Variants in ST3GAL6 observed in about 807,000 individuals in gnomAD.
The protein encoded by ST3GAL6 is ST3 beta-galactoside alpha-2,3-sialyltransferase 6.
Under a neutral mutation model 40.5 loss-of-function variants are expected in ST3GAL6, and 31 were observed. The ratio of observed to expected loss-of-function variants is 0.77; its 90% confidence interval spans 0.58 to 1.03. The LOEUF (loss-of-function observed/expected upper bound fraction) is 1.03, where lower values mean the gene tolerates loss of function less well. Among genes scored for constraint, ST3GAL6 ranks in the 50% least tolerant of loss-of-function variants. ST3GAL6 has a pLI of 0.00. For missense variants in ST3GAL6, 357 were observed against 393.2 expected, an observed-to-expected ratio of 0.91 and a Z score of 0.78; for synonymous variants, 129 against 136.9, an observed-to-expected ratio of 0.94 and a Z score of 0.40.
chr3:98,779,088 G>A lies in ST3GAL6; in HGVS notation c.335+5105G>A, dbSNP rs553664259. On this transcript the variant is annotated intron_variant, in intron 5 of 9. Coordinates refer to ENST00000483910, the MANE Select transcript of ST3GAL6 (RefSeq NM_001323368.2). ...CCCTGGTTGGGGGATTGAGTTAGTGGCTCAGTGATGTCAAGGCTCCAGGGT... is the reference window on the plus strand; with the variant it reads ...CCCTGGTTGGGGGATTGAGTTAGTGACTCAGTGATGTCAAGGCTCCAGGGT... Among the ~76,000 whole-genome samples, 53 of 152,280 alleles carry A rather than the reference G, an allele frequency of 3.5e-4. No individual in the cohort carries two copies. In the South Asian group the frequency reaches 0.01, roughly 29 times the overall value.
intron 2 of ST3GAL6, among the ~76,000 whole-genome samples, chr3:98,770,128 G>A (rs1216261215): frequency 6.6e-6 from 1 of 152,166 alleles, no homozygotes; most frequent in African/African-American, 2.4e-5. Flanking sequence ...GATTATAGAA[G>A]AAAATTGATT....
intron 8 of ST3GAL6, among the ~76,000 whole-genome samples, chr3:98,789,756 A>G (rs1941043757): frequency 6.6e-6 from 1 of 152,190 alleles, no homozygotes; most frequent in Non-Finnish European, 1.5e-5. Context: ...TTCACTTCCT[A>G]TATTCCTAAG....
upstream of ST3GAL6, among the ~76,000 whole-genome samples, chr3:98,760,253 C>CA (rs1397738622): frequency 6.6e-6 from 1 of 152,220 alleles, no homozygotes; most frequent in Non-Finnish European, 1.5e-5. Flanking sequence ...CAGTGCTTCT[C>CA]AAACACACAG....
intron 5 of ST3GAL6, chr3:98,782,284 A>G (rs3772101): frequency 0.42 from 294,183 of 703,096 alleles, 63,427 homozygotes; most frequent in Non-Finnish European, 0.45. Context: ...CTGTTTTCCC[A>G]GTCACTTTCA....
At chr3:98,785,140 A>T (rs1940574744) in intron 6 of ST3GAL6, 100 bp downstream of exon 6, 2 of 822,594 alleles carry the variant, frequency 2.4e-6, no homozygotes, top group Non-Finnish European at 3.8e-6. Context: ...AGATGTTTCC[A>T]TTTGGTTTTT....
chr3:98,760,214 C>T (rs2107388393), upstream of ST3GAL6, among the ~76,000 whole-genome samples: 1 of 152,288 alleles, frequency 6.6e-6, no homozygotes, highest in East Asian at 1.9e-4. Context: ...CGGCTGGATA[C>T]AATTCCTTTT....
At chr3:98,784,845 A>C (rs1940533731) in intron 5 of ST3GAL6, 100 bp from the exon 6 acceptor site, 3 of 877,346 alleles carry the variant, frequency 3.4e-6, no homozygotes, top group Admixed American at 2.3e-5. Flanking sequence ...CTTGCGCAAC[A>C]AGTGGAATTT....
At chr3:98,785,452 G>A (rs1940610734) in intron 6 of ST3GAL6, among the ~76,000 whole-genome samples, 1 of 152,186 alleles carries the variant, frequency 6.6e-6, no homozygotes, top group African/African-American at 2.4e-5. Context: ...CAGGGCCCAA[G>A]TGACCACACA....
chr3:98,736,798 C>CATT (rs1935583732), intron 1 of ST3GAL6, among the ~76,000 whole-genome samples: 1 of 152,110 alleles, frequency 6.6e-6, no homozygotes, highest in Admixed American at 6.6e-5. Context: ...AAATGAGTTA[C>CATT]AAATACATGA....
intron 1 of ST3GAL6, among the ~76,000 whole-genome samples, chr3:98,765,843 TG>T (rs1389747669): frequency 6.6e-6 from 1 of 152,240 alleles, no homozygotes; most frequent in Admixed American, 6.5e-5. Flanking sequence ...TCTTAAATTC[TG>T]TTTTTTTCTT....
chr3:98,773,347 T>C (rs1939197367), intron 4 of ST3GAL6: 1 of 153,316 alleles, frequency 6.5e-6, no homozygotes, highest in Non-Finnish European at 1.5e-5. Context: ...GTGGATATTT[T>C]ATTTTTGTTA....
At chr3:98,771,552 A>T (rs1024784299) in intron 3 of ST3GAL6, among the ~76,000 whole-genome samples, 3 of 152,226 alleles carry the variant, frequency 2.0e-5, no homozygotes, top group African/African-American at 7.2e-5. Flanking sequence ...AAATCTGTTC[A>T]AGGCATGTTT....
At chr3:98,773,742 A>T (rs149998240) in intron 4 of ST3GAL6, among the ~76,000 whole-genome samples, 178 bp from the exon 5 acceptor site, 1 of 152,152 alleles carries the variant, frequency 6.6e-6, no homozygotes, top group Non-Finnish European at 1.5e-5. Flanking sequence ...TACGATTTTG[A>T]ATGGGCCTGC....
At chr3:98,792,684 T>C (rs1941310373) in intron 9 of ST3GAL6, among the ~76,000 whole-genome samples, 1 of 150,806 alleles carries the variant, frequency 6.6e-6, no homozygotes. Context: ...TTTTTTTTTT[T>C]TTTTTTTGTA....
At chr3:98,741,396 G>T (rs1936073791) in intron 1 of ST3GAL6, among the ~76,000 whole-genome samples, 1 of 152,102 alleles carries the variant, frequency 6.6e-6, no homozygotes, top group African/African-American at 2.4e-5. Flanking sequence ...ATTTATATTG[G>T]GGAGTGGGAA....
upstream of ST3GAL6, among the ~76,000 whole-genome samples, chr3:98,761,825 G>A (rs1361232417): frequency 6.6e-6 from 1 of 152,182 alleles, no homozygotes; most frequent in African/African-American, 2.4e-5. Context: ...ATGGACCTGA[G>A]TCTGAAGAGA....
chr3:98,785,303 C>T (rs1940591213), intron 6 of ST3GAL6, among the ~76,000 whole-genome samples: 1 of 152,086 alleles, frequency 6.6e-6, no homozygotes, highest in African/African-American at 2.4e-5. Flanking sequence ...AATGTTTGTG[C>T]TCCCTGTGGA....
At chr3:98,784,083 C>T (rs533415526) in intron 5 of ST3GAL6, among the ~76,000 whole-genome samples, 7 of 152,200 alleles carry the variant, frequency 4.6e-5, no homozygotes, top group Non-Finnish European at 1.0e-4. Flanking sequence ...GCTGATTTCA[C>T]GGGTCTTAGG....
intron 5 of ST3GAL6, chr3:98,782,941 G>A: frequency 6.7e-6 from 1 of 149,888 alleles, no homozygotes; most frequent in Non-Finnish European, 1.3e-5. Flanking sequence ...ATTACTCAGT[G>A]GCTGCATCAA....
Sources: allele counts gnomAD v4.1 joint callset (sites outside exome capture counted in the v4.1 genomes callset), GRCh38; gene constraint gnomAD v4.1.1; transcripts MANE v1.5; gene names NCBI Gene and HGNC (gene_info 2026-07-23, HGNC 2026-07-21).